The following HTR1F variants were observed in gnomAD, a reference collection of about 807,000 sequenced individuals.
HTR1F encodes the protein 5-hydroxytryptamine (serotonin) receptor 1F, G protein-coupled.
A neutral mutation model predicts 24.0 loss-of-function variants in HTR1F; 17 were observed. The observed-to-expected ratio is 0.71, with a 90% confidence interval of 0.48 to 1.06. The LOEUF (loss-of-function observed/expected upper bound fraction) is 1.06, where lower values mean the gene tolerates loss of function less well. HTR1F is among the 50% of genes least tolerant of loss of function. The probability of loss-of-function intolerance (pLI) is 0.00; values close to 1 mark genes in which losing one functional copy is unlikely to be tolerated. For synonymous variants in HTR1F, 186 were observed against 156.8 expected (o/e 1.19, Z -1.39); for missense variants, 391 against 427.8 (o/e 0.91, Z 0.76).
chr3:87,923,074 A>G (rs1704046144), intron 2 of HTR1F, among the ~76,000 whole-genome samples: 2 of 151,996 alleles, frequency 1.3e-5, no homozygotes, highest in Non-Finnish European at 2.9e-5. Flanking sequence ...TGTTGGCTGT[A>G]AATCTGTGGA....
intron 2 of HTR1F, among the ~76,000 whole-genome samples, chr3:87,930,316 C>T (rs1704230834): frequency 6.6e-6 from 1 of 152,126 alleles, no homozygotes; most frequent in Non-Finnish European, 1.5e-5. Flanking sequence ...ACTTCCAATA[C>T]TATGTTGAAT....
intron 2 of HTR1F, among the ~76,000 whole-genome samples, chr3:87,897,691 C>T (rs1234026277): frequency 1.3e-5 from 2 of 152,034 alleles, no homozygotes; most frequent in Non-Finnish European, 2.9e-5. Context: ...TCCTGCCTCT[C>T]CTTGAAAGCA....
At chr3:87,833,184 T>C (rs1704618039) in intron 2 of HTR1F, among the ~76,000 whole-genome samples, 1 of 148,670 alleles carries the variant, frequency 6.7e-6, no homozygotes. Flanking sequence ...ACTGGCAGAC[T>C]CTGCTTCCTT....
chr3:87,893,284 A>G (rs545675667), intron 2 of HTR1F, among the ~76,000 whole-genome samples: 1 of 152,334 alleles, frequency 6.6e-6, no homozygotes, highest in South Asian at 2.1e-4. Flanking sequence ...AATTGTTGGT[A>G]TCAACCCCAA....
chr3:87,806,313 A>G (rs1431601828), intron 1 of HTR1F, among the ~76,000 whole-genome samples: 4 of 152,010 alleles, frequency 2.6e-5, no homozygotes, highest in Non-Finnish European at 5.9e-5. Context: ...GGAAATCTCC[A>G]TACTGTTTTC....
intron 2 of HTR1F, among the ~76,000 whole-genome samples, chr3:87,948,111 T>G (rs1704752236): frequency 6.6e-6 from 1 of 152,192 alleles, no homozygotes; most frequent in Admixed American, 6.5e-5. Flanking sequence ...TATCCTATCA[T>G]CATAGAAAAG....
intron 2 of HTR1F, among the ~76,000 whole-genome samples, chr3:87,828,008 G>T (rs2107143500): frequency 9.4e-6 from 1 of 106,600 alleles, no homozygotes; most frequent in African/African-American, 3.6e-5. Context: ...TAGCAAGTAA[G>T]CCTACTCTAT....
At chr3:87,986,934 G>A (rs1186650984) in intron 2 of HTR1F, among the ~76,000 whole-genome samples, 2 of 152,030 alleles carry the variant, frequency 1.3e-5, no homozygotes, top group East Asian at 1.9e-4. Context: ...GTGAAACTCC[G>A]TCTCTACTAA....
Position 87,816,894 on chromosome 3 carries a change from T to C in HTR1F, c.-159-5114T>C, listed in dbSNP as rs1357584459. ...CAAGTCTCTAAACTTTTTTGTGTTTTTGTTTACTTACCTGAAAAATTGATA... is the reference window on the plus strand; with the variant it reads ...CAAGTCTCTAAACTTTTTTGTGTTTCTGTTTACTTACCTGAAAAATTGATA... On this transcript the variant is annotated intron_variant, in intron 1 of 2. Coordinates refer to ENST00000319595, the MANE Select transcript of HTR1F (RefSeq NM_001322209.2). Among the ~76,000 whole-genome samples, 6 of 152,130 alleles carry C rather than the reference T, an allele frequency of 3.9e-5. No homozygotes were observed. The East Asian group carries it at 9.6e-4, about 24-fold the overall frequency.
intron 2 of HTR1F, among the ~76,000 whole-genome samples, chr3:87,898,364 G>A (rs1039700617): frequency 1.2e-4 from 19 of 152,094 alleles, no homozygotes; most frequent in Middle Eastern, 3.2e-3. Flanking sequence ...ATCTCTTGAG[G>A]CCTTGGGTAG....
At chr3:87,935,824 A>T (rs187754056) in intron 2 of HTR1F, among the ~76,000 whole-genome samples, 24 of 152,138 alleles carry the variant, frequency 1.6e-4, no homozygotes, top group Admixed American at 1.4e-3. Context: ...GAAAAAAAAA[A>T]TTTGGCTTAA....
chr3:87,871,806 A>T (rs9841274), intron 2 of HTR1F, among the ~76,000 whole-genome samples: 46,893 of 152,000 alleles, frequency 0.31, 8,932 homozygotes, highest in South Asian at 0.49. Flanking sequence ...GCAGCACATT[A>T]ACAGTAGGTG....
chr3:87,910,007 C>T (rs2116148), intron 2 of HTR1F, among the ~76,000 whole-genome samples: 13,544 of 152,056 alleles, frequency 0.089, 1,888 homozygotes, highest in African/African-American at 0.3. Flanking sequence ...CTGTACCATA[C>T]TTCCTGCCAA....
At chr3:87,917,646 T>C (rs1314400041) in intron 2 of HTR1F, among the ~76,000 whole-genome samples, 2 of 151,812 alleles carry the variant, frequency 1.3e-5, no homozygotes, top group African/African-American at 4.8e-5. Flanking sequence ...AGATACAACC[T>C]TCTTAGCTTA....
In HTR1F at chr3:87,983,262, G is replaced by T. The variant is rs150438149; in HGVS notation, c.-42-7446G>T. ...CTAGAGGCCAGATCCAGCAGGCAGT[G>T]ATTTAAAAAAATAGGGAAAAGAAAA... On this transcript the variant is annotated intron_variant, in intron 2 of 2. Coordinates refer to ENST00000319595, the MANE Select transcript of HTR1F (RefSeq NM_001322209.2). 7.0e-3 allele frequency among the ~76,000 whole-genome samples: 1,069 copies of T among 152,138 alleles called. 13 individuals are homozygous for T. The highest frequency in any genetic ancestry group is 0.024 in the African/African-American group (983 of 41,506).
intron 2 of HTR1F, among the ~76,000 whole-genome samples, chr3:87,828,532 T>A (rs1296777834): frequency 1.3e-5 from 2 of 152,224 alleles, no homozygotes; most frequent in Admixed American, 6.5e-5. Context: ...AGAATTAATT[T>A]GTGTGGATTT....
intron 2 of HTR1F, among the ~76,000 whole-genome samples, chr3:87,977,433 C>T (rs1705420232): frequency 8.4e-6 from 1 of 118,864 alleles, no homozygotes; most frequent in African/African-American, 3.1e-5. Context: ...GAGTCTCACT[C>T]TGTCGCCCAG....
intron 2 of HTR1F, among the ~76,000 whole-genome samples, chr3:87,972,430 C>T (rs1705304344): frequency 6.6e-6 from 1 of 152,040 alleles, no homozygotes; most frequent in African/African-American, 2.4e-5. Flanking sequence ...TTTTATTCAT[C>T]CTTGAATATA....
chr3:87,912,648 AAAAAC>A (rs1350922791), intron 2 of HTR1F, among the ~76,000 whole-genome samples: 1 of 151,404 alleles, frequency 6.6e-6, no homozygotes, highest in Non-Finnish European at 1.5e-5. Flanking sequence ...AAAAAAAAAA[AAAAAC>A]AAAGCAGGAA....
Sources: gnomAD v4.1 joint callset for allele counts (sites outside exome capture counted in the v4.1 genomes callset) on GRCh38, gnomAD v4.1.1 for gene constraint, MANE v1.5 for transcripts, NCBI Gene and HGNC (gene_info 2026-07-23, HGNC 2026-07-21) for gene names.